ANO4: variants seen among roughly 807,000 people sequenced by gnomAD.
ANO4 encodes the protein anoctamin 4, also known as anoctamin-4.
In ANO4, 69 loss-of-function variants were observed where a neutral mutation model predicts 141.9. That is an observed-to-expected ratio of 0.49 (90% CI 0.40 to 0.59). The LOEUF is 0.59. Among genes scored for constraint, ANO4 ranks in the 20% least tolerant of loss-of-function variants. The pLI is 0.00. For synonymous variants in ANO4, 350 were observed against 394.3 expected, an observed-to-expected ratio of 0.89 and a Z score of 1.33; for missense variants, 894 against 1,162.2, an observed-to-expected ratio of 0.77 and a Z score of 3.36.
At chr12:100,993,002 G>T (rs2136359624) in intron 8 of ANO4, among the ~76,000 whole-genome samples, 1 of 152,184 alleles carries the variant, frequency 6.6e-6, no homozygotes, top group Non-Finnish European at 1.5e-5. Context: ...GACCAGCCTA[G>T]GCAACAGAGT....
intron 1 of ANO4, among the ~76,000 whole-genome samples, chr12:100,818,265 G>A (rs182761397): frequency 1.3e-5 from 2 of 151,942 alleles, no homozygotes; most frequent in East Asian, 3.9e-4. Context: ...TTTTAAAAAA[G>A]TGAAGGGAAA....
At chr12:100,797,847 AACTC>A (rs1253326129) in intron 1 of ANO4, among the ~76,000 whole-genome samples, 1 of 152,208 alleles carries the variant, frequency 6.6e-6, no homozygotes, top group Non-Finnish European at 1.5e-5. Context: ...TACACAGACA[AACTC>A]AGACAGTGAA....
intron 1 of ANO4, among the ~76,000 whole-genome samples, chr12:100,824,665 G>A (rs2036233881): frequency 6.6e-6 from 1 of 151,972 alleles, no homozygotes; most frequent in African/African-American, 2.4e-5. Context: ...ACACCCAAAT[G>A]TGTGATGCAT....
chr12:100,917,796 CTA>C (rs1232894050), intron 2 of ANO4, among the ~76,000 whole-genome samples: 6 of 152,208 alleles, frequency 3.9e-5, no homozygotes, highest in Admixed American at 3.9e-4. Context: ...TTGGGGGACT[CTA>C]TGTGTGATCA....
At chr12:100,843,686 C>T (rs2037400309) in intron 1 of ANO4, among the ~76,000 whole-genome samples, 1 of 152,166 alleles carries the variant, frequency 6.6e-6, no homozygotes, top group African/African-American at 2.4e-5. Context: ...TACAAAGTCA[C>T]TTTTAAGTTG....
At chr12:100,988,345 A>G (rs2044824710) in intron 8 of ANO4, among the ~76,000 whole-genome samples, 1 of 152,118 alleles carries the variant, frequency 6.6e-6, no homozygotes. Flanking sequence ...AGGGCAGGGC[A>G]GGCAGGAGGA....
At chr12:101,044,288 A>G (rs1261249257) in intron 13 of ANO4, among the ~76,000 whole-genome samples, 1 of 152,240 alleles carries the variant, frequency 6.6e-6, no homozygotes, top group Admixed American at 6.5e-5. Context: ...CGTGAGGACT[A>G]AAGAAGAGAA....
intron 3 of ANO4, among the ~76,000 whole-genome samples, chr12:100,763,271 A>C (rs2032952126): frequency 6.6e-6 from 1 of 152,190 alleles, no homozygotes; most frequent in Non-Finnish European, 1.5e-5. Flanking sequence ...ACAGAAACCC[A>C]CAGGCGTGGC....
chr12:101,081,952 A>T (rs1451458598), intron 15 of ANO4, among the ~76,000 whole-genome samples: 1 of 152,162 alleles, frequency 6.6e-6, no homozygotes, highest in African/African-American at 2.4e-5. Context: ...CACTATAAAA[A>T]AAACCTGTTT....
chr12:100,970,690 C>G (rs1354970927), intron 5 of ANO4, among the ~76,000 whole-genome samples: 7 of 126,576 alleles, frequency 5.5e-5, no homozygotes, highest in South Asian at 3.2e-4. Context: ...TCCTTCCTTC[C>G]TTCCTTCCTT....
intron 2 of ANO4, among the ~76,000 whole-genome samples, chr12:100,734,326 T>C (rs12320744): frequency 0.017 from 2,577 of 152,312 alleles, 55 homozygotes; most frequent in African/African-American, 0.059. Flanking sequence ...TTCTCCTTGT[T>C]ATGCTCACTC....
At chr12:101,127,423 T>C (rs967049086) in intron 27 of ANO4, among the ~76,000 whole-genome samples, 1 of 152,100 alleles carries the variant, frequency 6.6e-6, no homozygotes, top group Non-Finnish European at 1.5e-5. Flanking sequence ...ATGCCCCTTC[T>C]TTCTAGGTGG....
rs118065890 is a variant in ANO4, at chr12:100,962,837, C to T, written c.457-8469C>T. On this transcript the variant is annotated intron_variant, in intron 5 of 27. Coordinates refer to ENST00000392977, the MANE Select transcript of ANO4 (RefSeq NM_001286615.2). ...AATCCACGCTGCAATGGAAGGAGCC[C>T]AGCCATGAGGCTGTTGCAGTATTCA... is the stretch of plus-strand genomic sequence containing the variant. Among the ~76,000 whole-genome samples the T allele has an allele frequency of 2.0e-3, 305 of 152,220 alleles. 1 individual carries two copies. The highest frequency in any genetic ancestry group is 3.4e-3 in the Non-Finnish European group (231 of 68,012).
chr12:100,852,074 G>A (rs2037904202), intron 1 of ANO4, among the ~76,000 whole-genome samples: 2 of 152,054 alleles, frequency 1.3e-5, no homozygotes, highest in Admixed American at 6.5e-5. Flanking sequence ...ACTTAAATAG[G>A]GGAGTGACCT....
chr12:100,929,853 A>G (rs1188935472), intron 3 of ANO4, among the ~76,000 whole-genome samples: 1 of 152,108 alleles, frequency 6.6e-6, no homozygotes, highest in Admixed American at 6.6e-5. Flanking sequence ...CAATGAAATT[A>G]TATCTCATTA....
chr12:100,848,938 ATAGT>A (rs1378388640), intron 1 of ANO4, among the ~76,000 whole-genome samples: 4 of 152,162 alleles, frequency 2.6e-5, no homozygotes, highest in Admixed American at 2.6e-4. Flanking sequence ...GAATAAATAG[ATAGT>A]TATGAATGGA....
At chr12:101,017,027 C>T (rs2046342957) in intron 8 of ANO4, among the ~76,000 whole-genome samples, 1 of 152,166 alleles carries the variant, frequency 6.6e-6, no homozygotes, top group African/African-American at 2.4e-5. Flanking sequence ...AGTCGCTCCT[C>T]CTCCTCCATC....
intron 1 of ANO4, among the ~76,000 whole-genome samples, chr12:100,855,086 C>T (rs2038094923): frequency 6.6e-6 from 1 of 152,070 alleles, no homozygotes; most frequent in African/African-American, 2.4e-5. Context: ...CAATTCCTGC[C>T]TCTTGGTCAG....
intron 5 of ANO4, among the ~76,000 whole-genome samples, chr12:100,964,769 C>G (rs2043577635): frequency 6.6e-6 from 1 of 152,184 alleles, no homozygotes; most frequent in African/African-American, 2.4e-5. Context: ...GTAATTTCTT[C>G]AGGTCTCTGT....
Sources: gnomAD v4.1 joint callset for allele counts (sites outside exome capture counted in the v4.1 genomes callset) on GRCh38, gnomAD v4.1.1 for gene constraint, MANE v1.5 for transcripts, NCBI Gene and HGNC (gene_info 2026-07-23, HGNC 2026-07-21) for gene names.